The following SP4 variants were observed in gnomAD, a reference collection of about 807,000 sequenced individuals.
SP4 encodes transcription factor Sp4.
SP4 carries 19 observed loss-of-function variants against 72.8 expected under a neutral mutation model. That is an observed-to-expected ratio of 0.26 (90% CI 0.18 to 0.38). The LOEUF (loss-of-function observed/expected upper bound fraction) is 0.38. SP4 is among the 10% of genes least tolerant of loss of function. The probability of loss-of-function intolerance (pLI) is 1.00; values close to 1 mark genes in which losing one functional copy is unlikely to be tolerated. For synonymous variants in SP4, 395 were observed against 333.1 expected (o/e 1.19, Z -2.02); for missense variants, 1,008 against 926.3 (o/e 1.09, Z -1.14).
rs764454422 is a variant in SP4 at position 21,430,482 on chromosome 7, G to C, written c.1317G>C (p.Gln439His). The C allele has an allele frequency of 6.2e-7, 1 of 1,614,080 alleles. No individual in the cohort carries two copies. The highest frequency in any genetic ancestry group is 8.5e-7 in the Non-Finnish European group (1 of 1,180,036). The change falls in exon 3 of 6, where the codon CAG becomes CAC. Residue 439 changes from glutamine to histidine, a missense_variant. By Grantham distance (24) the Gln-to-His change is conservative. Coordinates refer to ENST00000222584, the MANE Select transcript of SP4 (RefSeq NM_003112.5). ...AGACGATTCAGACCATCCAGCAGCAGCCTTTACAGAATGTTCAACTTCAAG... is the reference window on the plus strand; with the variant it reads ...AGACGATTCAGACCATCCAGCAGCACCCTTTACAGAATGTTCAACTTCAAG... ...SGQTIQTIQQ[Q>H]PLQNVQLQAV...
intron 3 of SP4, among the ~76,000 whole-genome samples, chr7:21,457,041 A>C (rs1203612307): frequency 2.0e-5 from 3 of 152,200 alleles, no homozygotes; most frequent in Non-Finnish European, 4.4e-5. Context: ...GAAGGCATAG[A>C]GGTATCTTAC....
chr7:21,505,327 G>A lies in SP4; in HGVS notation c.2108-5695G>A, dbSNP rs192229097. Among the ~76,000 whole-genome samples, 310 of 152,134 alleles carry A rather than the reference G, an allele frequency of 2.0e-3. 3 individuals are homozygous for A. The highest frequency in any genetic ancestry group is 3.4e-3 in the Non-Finnish European group (232 of 67,996). On this transcript the variant is annotated intron_variant, in intron 5 of 5. Coordinates refer to ENST00000222584, the MANE Select transcript of SP4 (RefSeq NM_003112.5). ...AACTGCAGTTTGTTCTTAGATACTC[G>A]CAATCCCCTTTCTCCTAGGAAATTA... is the stretch of plus-strand genomic sequence containing the variant.
At chr7:21,441,059 A>T (rs1432163899) in intron 3 of SP4, among the ~76,000 whole-genome samples, 1 of 152,242 alleles carries the variant, frequency 6.6e-6, no homozygotes, top group Non-Finnish European at 1.5e-5. Context: ...ACTACATATG[A>T]GAGTTTATAC....
At chr7:21,490,140 A>T (rs1011168) in intron 5 of SP4, among the ~76,000 whole-genome samples, 36,591 of 152,190 alleles carry the variant, frequency 0.24, 5,520 homozygotes, top group Non-Finnish European at 0.34. Context: ...TGAAAAGCAA[A>T]CTATAGCAGG....
chr7:21,433,070 C>T (rs567986858), intron 3 of SP4, among the ~76,000 whole-genome samples: 47 of 152,278 alleles, frequency 3.1e-4, no homozygotes, highest in African/African-American at 1.1e-3. Flanking sequence ...AATATGGAAG[C>T]AAGTGGGGGT....
intron 3 of SP4, among the ~76,000 whole-genome samples, chr7:21,459,257 C>T (rs1195060887): frequency 2.0e-5 from 3 of 152,148 alleles, no homozygotes. Flanking sequence ...GTAGCTGGTA[C>T]TACAGGCATG....
At chr7:21,469,444 G>A (rs1442172002) in intron 3 of SP4, among the ~76,000 whole-genome samples, 7 of 151,990 alleles carry the variant, frequency 4.6e-5, no homozygotes, top group African/African-American at 1.5e-4. Flanking sequence ...GAAACTTAAA[G>A]TGTATGTGTT....
chr7:21,461,096 C>CT (rs1783961380), intron 3 of SP4, among the ~76,000 whole-genome samples: 2 of 152,244 alleles, frequency 1.3e-5, no homozygotes, highest in East Asian at 1.9e-4. Flanking sequence ...TAAAGGTTGT[C>CT]TAAGTCCCCA....
At chr7:21,471,817 G>C (rs1216648214) in intron 3 of SP4, among the ~76,000 whole-genome samples, 1 of 152,172 alleles carries the variant, frequency 6.6e-6, no homozygotes, top group Non-Finnish European at 1.5e-5. Context: ...CTGGGCAAGA[G>C]AGCAAGACTC....
chr7:21,479,737 A>G (rs184498033), intron 4 of SP4, among the ~76,000 whole-genome samples: 2 of 152,310 alleles, frequency 1.3e-5, no homozygotes, highest in Admixed American at 6.5e-5. Context: ...CAGCTTAACA[A>G]TATTACATCT....
chr7:21,440,445 T>C (rs539258680), intron 3 of SP4, among the ~76,000 whole-genome samples: 102 of 152,278 alleles, frequency 6.7e-4, no homozygotes, highest in African/African-American at 2.4e-3. Context: ...GCTTGAGTTA[T>C]ATGTCAGAGG....
intron 5 of SP4, among the ~76,000 whole-genome samples, chr7:21,493,639 C>T (rs2128414224): frequency 6.6e-6 from 1 of 152,248 alleles, no homozygotes; most frequent in South Asian, 2.1e-4. Flanking sequence ...CCAACACTGG[C>T]TCAAGAAGAG....
intron 3 of SP4, among the ~76,000 whole-genome samples, chr7:21,435,952 G>C (rs1159366078): frequency 6.6e-5 from 10 of 152,014 alleles, no homozygotes; most frequent in Admixed American, 5.9e-4. Flanking sequence ...GCCCAGGCTG[G>C]AGTGCAGTGG....
chr7:21,438,478 T>C (rs887864485), intron 3 of SP4, among the ~76,000 whole-genome samples: 2 of 152,230 alleles, frequency 1.3e-5, no homozygotes, highest in African/African-American at 4.8e-5. Context: ...AATATATTTC[T>C]GTTCATTCTT....
intron 5 of SP4, among the ~76,000 whole-genome samples, chr7:21,487,131 C>T (rs1784836187): frequency 6.6e-6 from 1 of 152,160 alleles, no homozygotes; most frequent in South Asian, 2.1e-4. Context: ...TCAATACTAT[C>T]ATTTTCTTGC....
chr7:21,443,068 G>A (rs1457595681), intron 3 of SP4, among the ~76,000 whole-genome samples: 3 of 152,202 alleles, frequency 2.0e-5, no homozygotes, highest in African/African-American at 7.2e-5. Context: ...ACAAAATTGA[G>A]AATTAGCTCA....
intron 4 of SP4, among the ~76,000 whole-genome samples, chr7:21,479,561 A>G (rs892582805): frequency 6.6e-6 from 1 of 152,222 alleles, no homozygotes; most frequent in Admixed American, 6.5e-5. Flanking sequence ...AAATCGAGAA[A>G]TGTGAGTCCT....
chr7:21,459,848 G>A (rs1387048511), intron 3 of SP4, among the ~76,000 whole-genome samples: 4 of 152,162 alleles, frequency 2.6e-5, no homozygotes, highest in African/African-American at 9.7e-5. Context: ...TAAGCACAAG[G>A]CTAAGTTCTG....
intron 3 of SP4, among the ~76,000 whole-genome samples, chr7:21,457,133 A>G (rs888768485): frequency 1.3e-5 from 2 of 152,206 alleles, no homozygotes; most frequent in African/African-American, 4.8e-5. Flanking sequence ...AAATAAAATA[A>G]GATTTTTTTA....
Sources: allele counts gnomAD v4.1 joint callset (sites outside exome capture counted in the v4.1 genomes callset), GRCh38; gene constraint gnomAD v4.1.1; transcripts MANE v1.5; gene names NCBI Gene and HGNC (gene_info 2026-07-23, HGNC 2026-07-21).